Variants in EGF observed in about 807,000 individuals in gnomAD.
The protein encoded by EGF is epidermal growth factor.
A neutral mutation model predicts 143.8 loss-of-function variants in EGF; 95 were observed. That is an observed-to-expected ratio of 0.66 (90% CI 0.56 to 0.78). The LOEUF is 0.78. EGF is among the 30% of genes least tolerant of loss of function. EGF has a pLI of 0.00. For missense variants in EGF, 1,320 were observed against 1,470.9 expected (o/e 0.90, Z 1.68); for synonymous variants, 510 against 510.5 (o/e 1.00, Z 0.01).
In EGF at chr4:109,943,397, A is replaced by G; in HGVS notation, c.471A>G (p.Leu157=). Residue 157 remains leucine (L), a synonymous_variant, in exon 3 of 24, where the codon TTA becomes TTG. Coordinates refer to ENST00000265171, the MANE Select transcript of EGF (RefSeq NM_001963.6). The stretch of plus-strand genomic sequence containing the variant: ...ATTCCCACATTCTTTTAAGTGCTTT[A>G]AAATATCCTGCAAATGTAGCAGTTG... ...GNNSHILLSA[L]KYPANVAVDP... 2.5e-6 allele frequency: 4 copies of G among 1,613,924 alleles called. No individual in the cohort carries two copies. The highest frequency in any genetic ancestry group is 3.4e-6 in the Non-Finnish European group (4 of 1,179,872).
intron 8 of EGF, among the ~76,000 whole-genome samples, chr4:109,962,523 A>G (rs993039372): frequency 3.3e-5 from 5 of 151,664 alleles, no homozygotes; most frequent in African/African-American, 4.9e-5. Context: ...TGTGTGAGAG[A>G]AAAAAATTAC....
At chr4:109,994,644 A>G in intron 19 of EGF, 89 bp from the exon 20 acceptor site, 2 of 1,449,276 alleles carry the variant, frequency 1.4e-6, no homozygotes, top group Non-Finnish European at 1.9e-6. Flanking sequence ...TTATGTCACA[A>G]ACTATTCACA....
chr4:109,978,321 ATTC>A (rs1195154020), intron 13 of EGF, among the ~76,000 whole-genome samples: 2 of 152,262 alleles, frequency 1.3e-5, no homozygotes, highest in Non-Finnish European at 2.9e-5. Context: ...GGTTGAAGAT[ATTC>A]TTAATTTAAA....
chr4:109,986,452 G>A (rs1202907408), intron 16 of EGF, among the ~76,000 whole-genome samples: 2 of 152,136 alleles, frequency 1.3e-5, no homozygotes, highest in Non-Finnish European at 2.9e-5. Flanking sequence ...AGCATGAAAG[G>A]CATCTGCTCC....
At chr4:109,963,134 G>A (rs1745981256) in intron 8 of EGF, 39 bp from the exon 9 acceptor site, 1 of 1,603,568 alleles carries the variant, frequency 6.2e-7, no homozygotes, top group Admixed American at 1.7e-5. Flanking sequence ...ATTATATTTT[G>A]GATGACGTAG....
chr4:109,966,782 CTGA>C (rs1208694610), intron 10 of EGF, among the ~76,000 whole-genome samples: 7 of 152,096 alleles, frequency 4.6e-5, no homozygotes, highest in Admixed American at 4.6e-4. Context: ...TTTCATTTCT[CTGA>C]TGACTAGTGA....
intron 1 of EGF, among the ~76,000 whole-genome samples, chr4:109,926,042 TAC>T (rs1157060162): frequency 2.6e-5 from 4 of 152,228 alleles, no homozygotes; most frequent in Non-Finnish European, 5.9e-5. Context: ...TTGTCTTACA[TAC>T]TTCCCACAAA....
In EGF at chr4:109,988,614, T is replaced by G. The variant is rs979219087; in HGVS notation, c.2639T>G (p.Val880Gly). Residue 880 changes from valine to glycine, a missense_variant, in exon 18 of 24, where the codon GTG becomes GGG. Around this residue, in one of 5 missense-constraint regions of EGF, gnomAD observed 1,186 missense variants for 1,313.7 expected, o/e 0.90. Coordinates refer to ENST00000265171, the MANE Select transcript of EGF (RefSeq NM_001963.6). Reference sequence around the variant, plus strand: ...GATGAATGTGAGATGGGTGTCCCAGTGTGCCCCCCTGCCTCCTCCAAGTGC... The same window carrying G: ...GATGAATGTGAGATGGGTGTCCCAGGGTGCCCCCCTGCCTCCTCCAAGTGC... ...DIDECEMGVPVCPPASSKCIN... is the reference protein window; with the variant it reads ...DIDECEMGVPGCPPASSKCIN... 2 of 1,614,124 alleles carry G rather than the reference T, an allele frequency of 1.2e-6. No individual in the cohort carries two copies. Among genetic ancestry groups the G allele is most frequent in the Non-Finnish European group, 8.5e-7 (1 of 1,179,940 alleles).
In EGF at chr4:109,980,102, C is replaced by G. The variant is rs1413500160; in HGVS notation, c.2184C>G (p.Pro728=). 6 of 1,613,172 alleles carry G rather than the reference C, an allele frequency of 3.7e-6. No individual in the cohort carries two copies. In the South Asian group the frequency reaches 6.6e-5, roughly 18 times the overall value. The part of the protein sequence containing the change: ...RVRLQGSMLK[P]SSLVVVHPLA... ...GTCTCCAAGGCAGCATGCTGAAGCC[C>G]TCATCACTGGTTGTGGTTCATCCAT... Residue 728 remains proline (P), a synonymous_variant, in exon 14 of 24, where the codon CCC becomes CCG. Coordinates refer to ENST00000265171, the MANE Select transcript of EGF (RefSeq NM_001963.6).
intron 18 of EGF, among the ~76,000 whole-genome samples, chr4:109,991,242 A>G (rs1750894078): frequency 6.6e-6 from 1 of 152,178 alleles, no homozygotes; most frequent in Admixed American, 6.5e-5. Context: ...AATTATTGAG[A>G]TATTTAATAT....
chr4:109,931,004 C>T (rs969006818), intron 1 of EGF, among the ~76,000 whole-genome samples: 1 of 152,142 alleles, frequency 6.6e-6, no homozygotes, highest in Non-Finnish European at 1.5e-5. Flanking sequence ...TATGTACTTC[C>T]CCCCTTACTG....
At position 109,975,873 on chromosome 4, in the gene EGF, C is replaced by T. The variant is rs534393566; in HGVS notation, c.1830-139C>T. ...TCAAAATTATTTGCCGAACATACAG[C>T]GCTATCTCTTCTTCTGTATTCCTTA... is the stretch of plus-strand genomic sequence containing the variant. On this transcript the variant is annotated intron_variant, in intron 12 of 23. Coordinates refer to ENST00000265171, the MANE Select transcript of EGF (RefSeq NM_001963.6). 220 of 946,952 alleles carry T rather than the reference C, an allele frequency of 2.3e-4. No individual in the cohort carries two copies. In the African/African-American group the frequency reaches 2.8e-3, roughly 12 times the overall value. 58.7% of individuals were successfully genotyped at this position (946,952 alleles called of 1,614,324 possible).
chr4:109,938,447 G>A (rs946165119), intron 1 of EGF, among the ~76,000 whole-genome samples: 11 of 152,058 alleles, frequency 7.2e-5, no homozygotes, highest in Non-Finnish European at 5.9e-5. Context: ...GCTTCCTTGC[G>A]ATGGGTTAGA....
At chr4:109,979,933 A>C (rs1307534883) in intron 13 of EGF, 39 bp from the exon 14 acceptor site, 1 of 1,611,976 alleles carries the variant, frequency 6.2e-7, no homozygotes, top group Non-Finnish European at 8.5e-7. Context: ...CATTGCAAAG[A>C]CAAAGAAGGT....
intron 5 of EGF, among the ~76,000 whole-genome samples, chr4:109,949,382 T>G (rs1743422790): frequency 6.6e-6 from 1 of 152,182 alleles, no homozygotes; most frequent in Admixed American, 6.5e-5. Context: ...ACTCTAGTTC[T>G]ATGGGATTTA....
intron 1 of EGF, among the ~76,000 whole-genome samples, chr4:109,939,581 G>T (rs11568872): frequency 1.3e-5 from 2 of 152,188 alleles, no homozygotes; most frequent in African/African-American, 2.4e-5. Flanking sequence ...GATGAACCAG[G>T]TACCTCAGTT....
intron 1 of EGF, among the ~76,000 whole-genome samples, chr4:109,933,431 T>C (rs950647404): frequency 2.0e-5 from 3 of 152,116 alleles, no homozygotes; most frequent in East Asian, 1.9e-4. Context: ...TTTCTTTTTT[T>C]TTTTTTTATA....
chr4:110,008,043 A>G, intron 22 of EGF, 109 bp from the exon 23 acceptor site: 1 of 1,038,512 alleles, frequency 9.6e-7, no homozygotes, highest in East Asian at 2.5e-5. Context: ...TCTGACTTTC[A>G]CTTTCCATAG....
At chr4:109,924,487 A>G (rs1485887997) in intron 1 of EGF, among the ~76,000 whole-genome samples, 1 of 151,844 alleles carries the variant, frequency 6.6e-6, no homozygotes, top group Non-Finnish European at 1.5e-5. Context: ...GTCAGCAAGT[A>G]TTTATTGGAT....
Sources: allele counts gnomAD v4.1 joint callset (sites outside exome capture counted in the v4.1 genomes callset), GRCh38; gene constraint gnomAD v4.1.1; regional missense constraint gnomAD v4.1.1; transcripts MANE v1.5; gene names NCBI Gene and HGNC (gene_info 2026-07-23, HGNC 2026-07-21).